ANKDD1A: variants seen among roughly 807,000 people sequenced by gnomAD.
ANKDD1A encodes the protein ankyrin repeat and death domain containing 1A.
In ANKDD1A, 59 loss-of-function variants were observed where a neutral mutation model predicts 63.5. The observed-to-expected ratio is 0.93, with a 90% CI of 0.75 to 1.15. The LOEUF is 1.15. Ranked by LOEUF, ANKDD1A falls within the 50% of genes most tolerant of loss-of-function variation. The probability of loss-of-function intolerance (pLI) is 0.00; values close to 1 mark genes in which losing one functional copy is unlikely to be tolerated. For missense variants in ANKDD1A, 632 were observed against 656.4 expected, an observed-to-expected ratio of 0.96 and a Z score of 0.41; for synonymous variants, 266 against 263.9, an observed-to-expected ratio of 1.01 and a Z score of -0.08.
intron 13 of ANKDD1A, 106 bp downstream of exon 13, chr15:64,947,699 C>T (rs2085235018): frequency 7.3e-7 from 1 of 1,377,808 alleles, no homozygotes. Flanking sequence ...CTGTGCAACC[C>T]ACAGCCTGGT....
chr15:64,924,441 G>A (rs889580915), intron 4 of ANKDD1A, among the ~76,000 whole-genome samples: 3 of 152,222 alleles, frequency 2.0e-5, no homozygotes, highest in Non-Finnish European at 4.4e-5. Context: ...AGGAATAGAT[G>A]CAGCCAGCTT....
chr15:64,951,721 C>T (rs2085284396), intron 14 of ANKDD1A, among the ~76,000 whole-genome samples: 2 of 73,538 alleles, frequency 2.7e-5, no homozygotes, highest in Admixed American at 1.6e-4. Flanking sequence ...CTTTTTCTTC[C>T]CTTTTCTTCT....
chr15:64,925,658 G>A (rs1462156577), intron 4 of ANKDD1A, among the ~76,000 whole-genome samples: 1 of 152,142 alleles, frequency 6.6e-6, no homozygotes, highest in African/African-American at 2.4e-5. Context: ...GGCTACTAGT[G>A]CTACACGACC....
chr15:64,951,681 T>TTCCTTA (rs1187237679), intron 14 of ANKDD1A, among the ~76,000 whole-genome samples: 3 of 33,368 alleles, frequency 9.0e-5, no homozygotes, highest in East Asian at 6.0e-3. Context: ...TCTTTCCTTC[T>TTCCTTA]TTCTTCTTCC....
intron 9 of ANKDD1A, among the ~76,000 whole-genome samples, chr15:64,939,107 T>C (rs1224524826): frequency 6.6e-6 from 1 of 152,068 alleles, no homozygotes; most frequent in Non-Finnish European, 1.5e-5. Flanking sequence ...CTGTTATCTT[T>C]GCAACTTTCA....
At chr15:64,921,862 G>A in intron 3 of ANKDD1A, 59 bp from the exon 4 acceptor site, 6 of 1,496,858 alleles carry the variant, frequency 4.0e-6, no homozygotes, top group Non-Finnish European at 4.7e-6. Context: ...CACAGGGCCT[G>A]GCTGGCACAG....
At chr15:64,952,617 TCC>T (rs1275744558) in intron 14 of ANKDD1A, among the ~76,000 whole-genome samples, 7 of 63,052 alleles carry the variant, frequency 1.1e-4, no homozygotes, top group Middle Eastern at 9.3e-3. Context: ...CTTCCTCCTC[TCC>T]TTCTTCGTCT....
chr15:64,956,844 A>T (rs1273014895), intron 14 of ANKDD1A, among the ~76,000 whole-genome samples: 1 of 152,034 alleles, frequency 6.6e-6, no homozygotes, highest in Non-Finnish European at 1.5e-5. Context: ...TGAGCCACGG[A>T]GCCCAGCCAT....
chr15:64,954,912 C>G (rs1006208925), intron 14 of ANKDD1A, among the ~76,000 whole-genome samples: 3 of 67,282 alleles, frequency 4.5e-5, no homozygotes, highest in African/African-American at 1.1e-4. Context: ...TCTCTTGTCT[C>G]TTCTCTCTCC....
chr15:64,952,337 C>CCTT (rs371665011), intron 14 of ANKDD1A, among the ~76,000 whole-genome samples: 129,663 of 141,416 alleles, frequency 0.92, 60,238 homozygotes, highest in East Asian at 1. Context: ...TCTTCCTTCT[C>CCTT]CTTCTTCTTA....
intron 14 of ANKDD1A, among the ~76,000 whole-genome samples, chr15:64,953,567 T>C (rs1299218109): frequency 1.4e-5 from 2 of 143,514 alleles, no homozygotes; most frequent in Admixed American, 1.4e-4. Flanking sequence ...TTCTTCCTCC[T>C]TCTTCTTAGT....
At chr15:64,935,650 G>A (rs1448388673) in intron 9 of ANKDD1A, among the ~76,000 whole-genome samples, 3 of 152,020 alleles carry the variant, frequency 2.0e-5, no homozygotes, top group Non-Finnish European at 4.4e-5. Context: ...ACTCCAGCCT[G>A]GGCGACAGAG....
chr15:64,954,403 TCC>T (rs2085384567), intron 14 of ANKDD1A, among the ~76,000 whole-genome samples: 45 of 147,236 alleles, frequency 3.1e-4, no homozygotes, highest in South Asian at 8.9e-4. Flanking sequence ...TCTTCTTCCT[TCC>T]TCTTCTTCCT....
intron 1 of ANKDD1A, among the ~76,000 whole-genome samples, 159 bp from the exon 2 acceptor site, chr15:64,915,638 G>A (rs570342299): frequency 6.6e-6 from 1 of 152,278 alleles, no homozygotes; most frequent in Admixed American, 6.5e-5. Flanking sequence ...GGAGGACCCT[G>A]ACCTTGAGAG....
At chr15:64,935,624 G>A (rs1017168535) in intron 9 of ANKDD1A, among the ~76,000 whole-genome samples, 7 of 150,020 alleles carry the variant, frequency 4.7e-5, no homozygotes, top group East Asian at 2.0e-4. Context: ...GCAGTGAGCC[G>A]AGATCGCACC....
chr15:64,951,409 TTCTTTTCTTCC>T (rs1370592241), intron 14 of ANKDD1A: 5 of 90,688 alleles, frequency 5.5e-5, no homozygotes, highest in African/African-American at 3.4e-4. Flanking sequence ...TTTTTCTTTT[TTCTTTTCTTCC>T]TCTTTTCTTC....
intron 9 of ANKDD1A, among the ~76,000 whole-genome samples, chr15:64,938,992 A>G (rs933091201): frequency 1.3e-5 from 2 of 152,060 alleles, no homozygotes; most frequent in Non-Finnish European, 2.9e-5. Flanking sequence ...TATGGATGTT[A>G]AGTTCTAATA....
chr15:64,952,334 TCTCCTTCTTCTTAGTTCTTC>T (rs1385935610), intron 14 of ANKDD1A, among the ~76,000 whole-genome samples: 1 of 21,746 alleles, frequency 4.6e-5, no homozygotes, highest in Non-Finnish European at 2.6e-4. Context: ...CCTTCTTCCT[TCTCCTTCTTCTTAGTTCTTC>T]CTCCTTCTTC....
chr15:64,943,530 A>T lies in ANKDD1A; in HGVS notation c.1013A>T (p.Asp338Val), dbSNP rs1195152318. The T allele has an allele frequency of 6.2e-7, 1 of 1,614,194 alleles. No homozygotes were observed. The highest frequency in any genetic ancestry group is 8.5e-7 in the Non-Finnish European group (1 of 1,180,036). ...LHLAAEHAWQDIADMLLIAGV... is the reference protein window; with the variant it reads ...LHLAAEHAWQVIADMLLIAGV... The stretch of plus-strand genomic sequence containing the variant: ...CTGGCTGCAGAGCACGCCTGGCAGG[A>T]CATAGCAGATATGCTCCTCATTGCT... Residue 338 changes from aspartate to valine, a missense_variant, in exon 11 of 15, where the codon GAC (aspartate) becomes GTC (valine). Asp to Val is a radical substitution (Grantham distance 152, BLOSUM62 -3). Transcript: ENST00000319580.
Sources: gnomAD v4.1 joint callset for allele counts (sites outside exome capture counted in the v4.1 genomes callset) on GRCh38, gnomAD v4.1.1 for gene constraint, MANE v1.5 for transcripts, NCBI Gene and HGNC (gene_info 2026-07-23, HGNC 2026-07-21) for gene names.